Variants in UNC13C observed in about 807,000 individuals in gnomAD.
UNC13C encodes the protein protein unc-13 homolog C.
UNC13C carries 174 observed loss-of-function variants against 245.4 expected under a neutral mutation model. The observed-to-expected ratio is 0.71, with a 90% confidence interval of 0.63 to 0.80. The LOEUF (loss-of-function observed/expected upper bound fraction) is 0.80, where lower values mean the gene tolerates loss of function less well. UNC13C is among the 30% of genes least tolerant of loss of function. UNC13C has a pLI of 0.00. For synonymous variants in UNC13C, 992 were observed against 895.1 expected (o/e 1.11, Z -1.93); for missense variants, 2,829 against 2,602.9 (o/e 1.09, Z -1.89).
intron 29 of UNC13C, 113 bp from the exon 30 acceptor site, chr15:54,567,687 A>G (rs1443063734): frequency 3.0e-6 from 3 of 1,013,708 alleles, no homozygotes; most frequent in East Asian, 5.3e-5. Context: ...ATTTTTTTGT[A>G]TCTTGCATTG....
intron 1 of UNC13C, among the ~76,000 whole-genome samples, chr15:54,001,328 A>G (rs1894876705): frequency 6.6e-6 from 1 of 152,182 alleles, no homozygotes; most frequent in African/African-American, 2.4e-5. Flanking sequence ...GTGATGATCA[A>G]ATGAGCCTGT....
At chr15:54,497,057 T>C (rs931833724) in intron 20 of UNC13C, among the ~76,000 whole-genome samples, 13 of 152,118 alleles carry the variant, frequency 8.5e-5, no homozygotes, top group Admixed American at 7.2e-4. Flanking sequence ...GGTAGTATCA[T>C]TGATCAGGAA....
intron 2 of UNC13C, among the ~76,000 whole-genome samples, chr15:54,110,486 C>A (rs28498284): frequency 1.3e-5 from 2 of 151,984 alleles, no homozygotes; most frequent in African/African-American, 4.8e-5. Context: ...GAAATGAGAT[C>A]GCTTTCTATG....
the UNC13C span, among the ~76,000 whole-genome samples, chr15:53,846,301 A>G: frequency 6.6e-6 from 1 of 152,234 alleles, no homozygotes; most frequent in African/African-American, 2.4e-5. Context: ...TTTACAACAC[A>G]TAACTAATGA....
intron 30 of UNC13C, among the ~76,000 whole-genome samples, chr15:54,583,966 C>T (rs1172972827): frequency 6.6e-6 from 1 of 152,198 alleles, no homozygotes; most frequent in Non-Finnish European, 1.5e-5. Flanking sequence ...TAACTGTGCT[C>T]TCTGGCTCCC....
chr15:54,558,416 A>G lies in UNC13C; in HGVS notation c.5958+2904A>G, dbSNP rs146811991. 2.8e-4 allele frequency among the ~76,000 whole-genome samples: 43 copies of G among 152,128 alleles called. 1 individual carries two copies. Among genetic ancestry groups the G allele is most frequent in the African/African-American group, 9.6e-4 (40 of 41,534 alleles). ...CTTGCTTCTATGTCACATTTTTTCA[A>G]TCAGTATGTACGAAGTTTAAGTAAA... On this transcript the variant is annotated intron_variant, in intron 29 of 32. Transcript: ENST00000260323.
At chr15:54,566,469 T>G (rs1341517851) in intron 29 of UNC13C, among the ~76,000 whole-genome samples, 2 of 152,136 alleles carry the variant, frequency 1.3e-5, no homozygotes, top group Non-Finnish European at 2.9e-5. Context: ...GTGCCTCCTT[T>G]TCATAGCATA....
intron 17 of UNC13C, among the ~76,000 whole-genome samples, chr15:54,351,040 G>A (rs772133170): frequency 2.6e-5 from 4 of 152,134 alleles, no homozygotes; most frequent in Middle Eastern, 3.2e-3. Flanking sequence ...GGAAATTGAT[G>A]AGTCTTGAAT....
At chr15:54,174,763 A>G (rs762966169) in intron 4 of UNC13C, among the ~76,000 whole-genome samples, 1 of 152,192 alleles carries the variant, frequency 6.6e-6, no homozygotes, top group Non-Finnish European at 1.5e-5. Flanking sequence ...AGCATTTTAT[A>G]ATAATCATTT....
chr15:53,924,935 G>A, the UNC13C span, among the ~76,000 whole-genome samples: 1 of 152,168 alleles, frequency 6.6e-6, no homozygotes. Context: ...ATGGTTATAC[G>A]TGTTTTCTAG....
chr15:54,395,653 T>C (rs1037068507), intron 18 of UNC13C, among the ~76,000 whole-genome samples: 1 of 151,874 alleles, frequency 6.6e-6, no homozygotes, highest in African/African-American at 2.4e-5. Flanking sequence ...TAAAATCTCT[T>C]TCAATGTAAT....
chr15:54,205,953 A>G (rs1053099268), intron 4 of UNC13C, among the ~76,000 whole-genome samples: 6 of 152,036 alleles, frequency 3.9e-5, no homozygotes, highest in African/African-American at 1.4e-4. Context: ...ATCTAAGCAC[A>G]CATTTCTCTA....
At chr15:54,170,257 T>A (rs1214928033) in intron 4 of UNC13C, among the ~76,000 whole-genome samples, 2 of 152,096 alleles carry the variant, frequency 1.3e-5, no homozygotes, top group Non-Finnish European at 2.9e-5. Context: ...TACAACGTGT[T>A]AATAAAATAG....
At chr15:54,362,823 C>T (rs918269021) in intron 17 of UNC13C, among the ~76,000 whole-genome samples, 1 of 152,020 alleles carries the variant, frequency 6.6e-6, no homozygotes, top group African/African-American at 2.4e-5. Flanking sequence ...AGGTGTTCTA[C>T]GAGTACATAG....
chr15:54,365,466 A>G (rs1346058341), intron 17 of UNC13C, among the ~76,000 whole-genome samples: 1 of 152,168 alleles, frequency 6.6e-6, no homozygotes, highest in African/African-American at 2.4e-5. Context: ...GGGGATAAAT[A>G]TACACCCATG....
At chr15:54,280,945 G>A (rs995916293) in intron 10 of UNC13C, among the ~76,000 whole-genome samples, 7 of 151,774 alleles carry the variant, frequency 4.6e-5, no homozygotes, top group Admixed American at 4.6e-4. Context: ...TTACAGGCAT[G>A]TGCCACGATG....
intron 4 of UNC13C, among the ~76,000 whole-genome samples, chr15:54,160,606 A>C (rs1286616297): frequency 6.6e-6 from 1 of 152,042 alleles, no homozygotes. Context: ...GTCTGGAATA[A>C]AGTTCTTGCT....
At chr15:54,147,084 G>A (rs957891780) in intron 4 of UNC13C, among the ~76,000 whole-genome samples, 8 of 152,100 alleles carry the variant, frequency 5.3e-5, no homozygotes, top group African/African-American at 1.9e-4. Flanking sequence ...GGTGAATGCT[G>A]CACCCGGTGA....
chr15:54,030,921 G>T lies in UNC13C; in HGVS notation c.2983+15035G>T, dbSNP rs376132041. On this transcript the variant is annotated intron_variant, in intron 2 of 32. Transcript: ENST00000260323. ...TTTATTACTACCTTCTAATACTGTT[G>T]CATTTGGAATTAAGTTTCAGCATGA... Among the ~76,000 whole-genome samples the T allele has an allele frequency of 2.0e-5, 3 of 152,256 alleles. No homozygotes were observed. In the East Asian group the frequency reaches 5.8e-4, roughly 29 times the overall value.
Sources: allele counts gnomAD v4.1 joint callset (sites outside exome capture counted in the v4.1 genomes callset), GRCh38; gene constraint gnomAD v4.1.1; transcripts MANE v1.5; gene names NCBI Gene and HGNC (gene_info 2026-07-23, HGNC 2026-07-21).